SYT17: variants seen among roughly 807,000 people sequenced by gnomAD.
The protein encoded by SYT17 is synaptotagmin 17.
Under a neutral mutation model 46.7 loss-of-function variants are expected in SYT17, and 22 were observed. The ratio of observed to expected loss-of-function variants is 0.47; its 90% confidence interval spans 0.34 to 0.67. SYT17 has a LOEUF of 0.67. SYT17 is among the 30% of genes least tolerant of loss of function. The pLI is 0.01. For missense variants in SYT17, 519 were observed against 612.8 expected, an observed-to-expected ratio of 0.85 and a Z score of 1.62; for synonymous variants, 251 against 248.4, an observed-to-expected ratio of 1.01 and a Z score of -0.10.
Position 19,193,887 on chromosome 16 carries a change from G to A in SYT17, c.951+9740G>A, listed in dbSNP as rs1331902642. Reference sequence around the variant, plus strand: ...CCTCCAACTTGCCTTGTGGGCACAAGTAGGAAAGACTCCACTGGCCGAGAG... The same window carrying A: ...CCTCCAACTTGCCTTGTGGGCACAAATAGGAAAGACTCCACTGGCCGAGAG... On this transcript the variant is annotated intron_variant, in intron 5 of 7. Coordinates refer to ENST00000355377, the MANE Select transcript of SYT17 (RefSeq NM_016524.4). 2.6e-5 allele frequency among the ~76,000 whole-genome samples: 4 copies of A among 152,356 alleles called. No individual in the cohort carries two copies. In the East Asian group the frequency reaches 5.8e-4, roughly 22 times the overall value.
At chr16:19,235,874 A>C (rs1453192288) in intron 7 of SYT17, among the ~76,000 whole-genome samples, 1 of 152,248 alleles carries the variant, frequency 6.6e-6, no homozygotes, top group African/African-American at 2.4e-5. Context: ...AGACAGATCC[A>C]GAGAAATTAT....
chr16:19,180,655 C>G (rs763326895), intron 4 of SYT17, 116 bp downstream of exon 4: 111 of 1,269,174 alleles, frequency 8.7e-5, no homozygotes, highest in Non-Finnish European at 1.2e-4. Flanking sequence ...AGTGGGATGA[C>G]AGTCCAGGAG....
intron 4 of SYT17, among the ~76,000 whole-genome samples, chr16:19,182,997 G>A (rs1161489609): frequency 6.6e-6 from 1 of 152,186 alleles, no homozygotes; most frequent in East Asian, 1.9e-4. Flanking sequence ...GGAGTCACAT[G>A]GCTCACTGGT....
In SYT17 at chr16:19,168,778, GA is replaced by G. The variant is rs1184537757; in HGVS notation, c.15+122del. ...CTAGGCTCCCACAAACTTGCTTCGA[GA>G]AAAAGGGTGCCCGTGCGCGGGCAAC... On this transcript the variant is annotated intron_variant, in intron 1 of 7. Coordinates refer to ENST00000355377, the MANE Select transcript of SYT17 (RefSeq NM_016524.4). This position sits in a 1 kb window ranked among gnomAD's most constrained non-coding sequence, Gnocchi z 6.9. 17 of 1,298,456 alleles carry G rather than the reference GA, an allele frequency of 1.3e-5. No homozygotes were observed. Among genetic ancestry groups the G allele is most frequent in the Non-Finnish European group, 1.6e-5 (16 of 979,968 alleles). The allele number at this position is 1,298,456 out of a possible 1,614,324, so 80.4% of individuals were successfully genotyped here.
At chr16:19,261,756 T>C (rs973455013) in intron 7 of SYT17, among the ~76,000 whole-genome samples, 1 of 152,244 alleles carries the variant, frequency 6.6e-6, no homozygotes, top group Non-Finnish European at 1.5e-5. Context: ...ATATACTGTT[T>C]TGTAATGTGC....
rs531110619 is a variant in SYT17, at chr16:19,208,619, T to A, written c.952-14426T>A. Among the ~76,000 whole-genome samples the A allele has an allele frequency of 6.7e-4, 102 of 152,186 alleles. 1 individual carries two copies. Among genetic ancestry groups the A allele is most frequent in the African/African-American group, 2.3e-3 (97 of 41,526 alleles). Reference sequence around the variant, plus strand: ...GTGGGGATTAAAATTCCACATGAGATTTGGGTGGGGACAAAGAGCCAAATC... The same window carrying A: ...GTGGGGATTAAAATTCCACATGAGAATTGGGTGGGGACAAAGAGCCAAATC... On this transcript the variant is annotated intron_variant, in intron 5 of 7. Coordinates refer to ENST00000355377, the MANE Select transcript of SYT17 (RefSeq NM_016524.4).
intron 5 of SYT17, among the ~76,000 whole-genome samples, chr16:19,207,318 C>G (rs975130804): frequency 4.6e-5 from 7 of 152,138 alleles, no homozygotes; most frequent in African/African-American, 9.7e-5. Context: ...TGGACTAAGA[C>G]AGTCATATTT....
chr16:19,202,518 A>G lies in SYT17; in HGVS notation c.951+18371A>G, dbSNP rs111369749. 2.4e-3 allele frequency among the ~76,000 whole-genome samples: 359 copies of G among 152,286 alleles called. 2 individuals are homozygous for G. The highest frequency in any genetic ancestry group is 7.9e-3 in the African/African-American group (327 of 41,548). Reference sequence around the variant, plus strand: ...ATCCCTTCATTTAGGGTTTATATGGAGATACCATTATATGGGCAGGATGGA... The same window carrying G: ...ATCCCTTCATTTAGGGTTTATATGGGGATACCATTATATGGGCAGGATGGA... On this transcript the variant is annotated intron_variant, in intron 5 of 7. Coordinates refer to ENST00000355377, the MANE Select transcript of SYT17 (RefSeq NM_016524.4).
chr16:19,265,664 C>G (rs1239363708), intron 7 of SYT17, among the ~76,000 whole-genome samples: 1 of 152,212 alleles, frequency 6.6e-6, no homozygotes, highest in Non-Finnish European at 1.5e-5. Context: ...TGTGATATTT[C>G]CCATTCTGTA....
intron 5 of SYT17, chr16:19,211,309 G>T: frequency 1.5e-6 from 1 of 664,148 alleles, no homozygotes; most frequent in South Asian, 1.6e-5. Context: ...GGAACATCGT[G>T]CTGACAACCC....
chr16:19,243,071 G>A lies in SYT17; in HGVS notation c.1228+18233G>A, dbSNP rs780326865. ...GCCTCCCCCCATGCCCTGCATTAGA[G>A]CAGGACAGAATGTAGTTGGCTTATC... On this transcript the variant is annotated intron_variant, in intron 7 of 7. Coordinates refer to ENST00000355377, the MANE Select transcript of SYT17 (RefSeq NM_016524.4). Among the ~76,000 whole-genome samples, 4 of 152,230 alleles carry A rather than the reference G, an allele frequency of 2.6e-5. No homozygotes were observed. The East Asian group carries it at 5.8e-4, about 22-fold the overall frequency.
At chr16:19,232,008 G>A (rs1218374011) in intron 7 of SYT17, among the ~76,000 whole-genome samples, 1 of 152,226 alleles carries the variant, frequency 6.6e-6, no homozygotes, top group African/African-American at 2.4e-5. Flanking sequence ...TGAAGGACAA[G>A]GAGGTATTAA....
rs1966440521 is a variant in SYT17 at position 19,224,720 on chromosome 16, A to C, written c.1110A>C (p.Lys370Asn). Reference sequence around the variant, plus strand: ...AAATCCAGCTGGTGCATGGACTCAAACTTGTGAAAACCAAGAAGACGTCCT... The same window carrying C: ...AAATCCAGCTGGTGCATGGACTCAACCTTGTGAAAACCAAGAAGACGTCCT... ...FVKIQLVHGL[K>N]LVKTKKTSFL... The change falls in exon 7 of 8, where the codon AAA (lysine) becomes AAC (asparagine). Residue 370 changes from lysine (K) to asparagine (N), a missense_variant. Physicochemically the swap from Lys to Asn is moderately conservative, Grantham distance 94 (BLOSUM62 0). Transcript: ENST00000355377. 2 of 1,614,118 alleles carry C rather than the reference A, an allele frequency of 1.2e-6. No individual in the cohort carries two copies. Among genetic ancestry groups the C allele is most frequent in the East Asian group, 4.5e-5 (2 of 44,880 alleles).
intron 3 of SYT17, among the ~76,000 whole-genome samples, chr16:19,178,511 C>T (rs1352776601): frequency 3.9e-5 from 6 of 152,066 alleles, no homozygotes; most frequent in South Asian, 2.1e-4. Context: ...GGGTTGGTCT[C>T]GAACCCCTGA....
chr16:19,266,895 T>C lies in SYT17; in HGVS notation c.1244T>C (p.Met415Thr). ...SLVFTVFGHN[M>T]KSSNDFIGRI... ...GGCTCCCTAGTTTTCGGCCACAACATGAAGAGCAGCAATGACTTCATCGGG... is the reference window on the plus strand; with the variant it reads ...GGCTCCCTAGTTTTCGGCCACAACACGAAGAGCAGCAATGACTTCATCGGG... The change falls in exon 8 of 8, where the codon ATG becomes ACG. Residue 415 changes from methionine to threonine, a missense_variant. Met to Thr is a moderately conservative substitution (Grantham distance 81). Coordinates refer to ENST00000355377, the MANE Select transcript of SYT17 (RefSeq NM_016524.4). The C allele has an allele frequency of 6.2e-7, 1 of 1,613,322 alleles. No individual in the cohort carries two copies. Among genetic ancestry groups the C allele is most frequent in the South Asian group, 1.1e-5 (1 of 91,000 alleles).
chr16:19,258,913 A>G (rs1434453195), intron 7 of SYT17, among the ~76,000 whole-genome samples: 1 of 152,212 alleles, frequency 6.6e-6, no homozygotes, highest in Non-Finnish European at 1.5e-5. Context: ...TCTTTATCCC[A>G]GGCTCCTTCA....
chr16:19,184,064 A>G lies in SYT17; in HGVS notation c.868A>G (p.Ile290Val), dbSNP rs377298390. 4 of 1,614,092 alleles carry G rather than the reference A, an allele frequency of 2.5e-6. No individual in the cohort carries two copies. The African/African-American group carries it at 5.3e-5, about 22-fold the overall frequency. The change falls in exon 5 of 8, where the codon ATT (isoleucine) becomes GTT (valine). Residue 290 changes from isoleucine (I) to valine (V), a missense_variant. By Grantham distance (29) the Ile-to-Val change is conservative (BLOSUM62 3). Coordinates refer to ENST00000355377, the MANE Select transcript of SYT17 (RefSeq NM_016524.4). Reference protein sequence around the residue: ...DFDKFSRHCVIGKVSVPLCEV... With the variant: ...DFDKFSRHCVVGKVSVPLCEV... Reference sequence around the variant, plus strand: ...TGATAAGTTCTCCCGCCACTGTGTCATTGGGAAAGTTTCTGTGCCTTTGTG... The same window carrying G: ...TGATAAGTTCTCCCGCCACTGTGTCGTTGGGAAAGTTTCTGTGCCTTTGTG...
At chr16:19,202,429 GC>G (rs1567210277) in intron 5 of SYT17, among the ~76,000 whole-genome samples, 2 of 152,180 alleles carry the variant, frequency 1.3e-5, no homozygotes, top group Non-Finnish European at 2.9e-5. Context: ...GTGCTTTCAC[GC>G]CCTCAACGGG....
intron 7 of SYT17, among the ~76,000 whole-genome samples, chr16:19,225,320 A>T (rs772917971): frequency 6.6e-6 from 1 of 152,144 alleles, no homozygotes; most frequent in Non-Finnish European, 1.5e-5. Flanking sequence ...AACTCAGAAA[A>T]AGGGATTTTT....
Sources: gnomAD v4.1 joint callset for allele counts (sites outside exome capture counted in the v4.1 genomes callset) on GRCh38, gnomAD v4.1.1 for gene constraint, Gnocchi (gnomAD v3.1) non-coding constraint, MANE v1.5 for transcripts, NCBI Gene and HGNC (gene_info 2026-07-23, HGNC 2026-07-21) for gene names.